PCSK2: variants seen among roughly 807,000 people sequenced by gnomAD.
The protein encoded by PCSK2 is neuroendocrine convertase 2.
PCSK2 carries 14 observed loss-of-function variants against 69.7 expected under a neutral mutation model. That is an observed-to-expected ratio of 0.20 (90% CI 0.13 to 0.31). PCSK2 has a LOEUF of 0.31. PCSK2 is among the 10% of genes least tolerant of loss of function. The pLI, the probability that PCSK2 is intolerant of heterozygous loss-of-function variation, is 1.00. For synonymous variants in PCSK2, 307 were observed against 320.7 expected, an observed-to-expected ratio of 0.96 and a Z score of 0.46; for missense variants, 544 against 842.5, an observed-to-expected ratio of 0.65 and a Z score of 4.39.
chr20:17,385,694 A>C (rs1426587386), intron 5 of PCSK2, among the ~76,000 whole-genome samples: 2 of 152,176 alleles, frequency 1.3e-5, no homozygotes, highest in African/African-American at 4.8e-5. Context: ...ACAAACCAGC[A>C]TTTTATTTGG....
intron 1 of PCSK2, among the ~76,000 whole-genome samples, chr20:17,251,933 G>A (rs1009134295): frequency 6.6e-6 from 1 of 152,278 alleles, no homozygotes; most frequent in South Asian, 2.1e-4. Context: ...TGAAAGCTGC[G>A]CTCTTCCAGG....
intron 1 of PCSK2, among the ~76,000 whole-genome samples, chr20:17,235,521 C>T (rs1986306929): frequency 6.6e-6 from 1 of 152,048 alleles, no homozygotes; most frequent in South Asian, 2.1e-4. Context: ...TTGGAAGCAT[C>T]AAGAACATAA....
At chr20:17,249,869 T>C (rs986322436) in intron 1 of PCSK2, among the ~76,000 whole-genome samples, 6 of 152,144 alleles carry the variant, frequency 3.9e-5, no homozygotes, top group African/African-American at 1.4e-4. Context: ...GTGCAGTAGG[T>C]ACAGAGTTTC....
intron 4 of PCSK2, among the ~76,000 whole-genome samples, chr20:17,366,892 G>C (rs1480300655): frequency 6.6e-6 from 1 of 152,090 alleles, no homozygotes; most frequent in African/African-American, 2.4e-5. Flanking sequence ...TCCCTTGACA[G>C]AGAAGACACT....
At chr20:17,433,061 C>A (rs1313379369) in intron 7 of PCSK2, among the ~76,000 whole-genome samples, 1 of 152,142 alleles carries the variant, frequency 6.6e-6, no homozygotes, top group African/African-American at 2.4e-5. Flanking sequence ...GGGGGCCAGG[C>A]CAGGTGGGTT....
intron 1 of PCSK2, among the ~76,000 whole-genome samples, chr20:17,247,835 T>C (rs996323460): frequency 6.6e-6 from 1 of 152,166 alleles, no homozygotes; most frequent in African/African-American, 2.4e-5. Context: ...CTGTTCACAA[T>C]TGGTTGCCAG....
At chr20:17,247,613 G>A (rs919807429) in intron 1 of PCSK2, among the ~76,000 whole-genome samples, 1 of 152,200 alleles carries the variant, frequency 6.6e-6, no homozygotes, top group Non-Finnish European at 1.5e-5. Context: ...AGCCTTAACT[G>A]TTCTGAGGGT....
intron 2 of PCSK2, among the ~76,000 whole-genome samples, chr20:17,333,908 T>C (rs1371082649): frequency 9.5e-6 from 1 of 105,552 alleles, no homozygotes; most frequent in African/African-American, 3.6e-5. Flanking sequence ...TCTAAGTCAC[T>C]GCATATATAT....
At chr20:17,286,502 G>C (rs1051471745) in intron 2 of PCSK2, among the ~76,000 whole-genome samples, 6 of 152,062 alleles carry the variant, frequency 3.9e-5, no homozygotes, top group Non-Finnish European at 5.9e-5. Context: ...TTCACACCTA[G>C]AATGTGTCAG....
chr20:17,277,557 C>T (rs1988132107), intron 2 of PCSK2, among the ~76,000 whole-genome samples: 1 of 151,980 alleles, frequency 6.6e-6, no homozygotes, highest in Non-Finnish European at 1.5e-5. Context: ...ACACCTTATA[C>T]AAAAATTAAT....
chr20:17,318,895 G>A (rs1672161648), intron 2 of PCSK2, among the ~76,000 whole-genome samples: 1 of 152,144 alleles, frequency 6.6e-6, no homozygotes, highest in Non-Finnish European at 1.5e-5. Context: ...AGCCAGAGCA[G>A]GATTATTCAA....
intron 2 of PCSK2, among the ~76,000 whole-genome samples, chr20:17,262,258 A>G (rs1987417958): frequency 6.6e-6 from 1 of 152,222 alleles, no homozygotes; most frequent in African/African-American, 2.4e-5. Context: ...ATAAGGATCC[A>G]GGTAGCCAAT....
chr20:17,447,921 G>A (rs747354584), intron 8 of PCSK2, among the ~76,000 whole-genome samples: 4 of 152,002 alleles, frequency 2.6e-5, no homozygotes, highest in South Asian at 2.1e-4. Context: ...TTTCAAGCCC[G>A]TTCTTATACT....
At chr20:17,319,301 G>T (rs921318982) in intron 2 of PCSK2, among the ~76,000 whole-genome samples, 1 of 152,178 alleles carries the variant, frequency 6.6e-6, no homozygotes, top group African/African-American at 2.4e-5. Context: ...TCTGGGTCAG[G>T]CATTTAGGAT....
chr20:17,387,155 C>A (rs972200981), intron 5 of PCSK2, among the ~76,000 whole-genome samples: 3 of 152,138 alleles, frequency 2.0e-5, no homozygotes, highest in Non-Finnish European at 2.9e-5. Flanking sequence ...CTCTGTTGTA[C>A]ACGTTGTACA....
chr20:17,280,689 C>T (rs1254183079), intron 2 of PCSK2, among the ~76,000 whole-genome samples: 2 of 152,168 alleles, frequency 1.3e-5, no homozygotes, highest in Non-Finnish European at 2.9e-5. Flanking sequence ...CCATTAATTC[C>T]CCAAGTCAGG....
chr20:17,373,291 G>A (rs2030828231), intron 5 of PCSK2, among the ~76,000 whole-genome samples: 1 of 152,216 alleles, frequency 6.6e-6, no homozygotes, highest in South Asian at 2.1e-4. Context: ...GGGCAGCTCT[G>A]GGAGACAGCA....
chr20:17,266,413 T>C (rs779865112), intron 2 of PCSK2, among the ~76,000 whole-genome samples: 3 of 152,234 alleles, frequency 2.0e-5, no homozygotes, highest in Non-Finnish European at 4.4e-5. Context: ...CCAGGGTCCA[T>C]TGTGAAAGGG....
chr20:17,373,557 T>G (rs1157192703), intron 5 of PCSK2, among the ~76,000 whole-genome samples: 7 of 152,168 alleles, frequency 4.6e-5, no homozygotes, highest in Non-Finnish European at 2.9e-5. Flanking sequence ...TCATTAAAGG[T>G]TAAAATAAAT....
Sources: allele counts gnomAD v4.1 joint callset (sites outside exome capture counted in the v4.1 genomes callset), GRCh38; gene constraint gnomAD v4.1.1; transcripts MANE v1.5; gene names NCBI Gene and HGNC (gene_info 2026-07-23, HGNC 2026-07-21).